The following EBF2 variants were observed in gnomAD, a reference collection of about 807,000 sequenced individuals.
EBF2 encodes transcription factor COE2.
EBF2 carries 21 observed loss-of-function variants against 72.8 expected under a neutral mutation model. The observed-to-expected ratio is 0.29, with a 90% CI of 0.20 to 0.42. The LOEUF (loss-of-function observed/expected upper bound fraction) is 0.42. Ranked by LOEUF, EBF2 falls within the 10% of genes least tolerant of loss-of-function variation. The pLI, the probability that EBF2 is intolerant of heterozygous loss-of-function variation, is 1.00. For synonymous variants in EBF2, 299 were observed against 274.2 expected (o/e 1.09, Z -0.89); for missense variants, 637 against 731.2 (o/e 0.87, Z 1.49).
rs748016670 is a variant in EBF2, at chr8:26,041,047, C to A, written c.289-45G>T. On this transcript the variant is annotated intron_variant, in intron 2 of 15. Coordinates refer to ENST00000520164, the MANE Select transcript of EBF2 (RefSeq NM_022659.4). ...TCGATTCCCTTGCCTTTCAGCCCCC[C>A]AAAATGAGGGAAAGAGGAGACAGTG... The A allele has an allele frequency of 1.7e-5, 27 of 1,607,638 alleles. 1 individual carries two copies. The South Asian group carries it at 2.4e-4, about 15-fold the overall frequency.
At chr8:25,925,910 ATTTGGG>A (rs1284293728) in intron 6 of EBF2, among the ~76,000 whole-genome samples, 2 of 152,006 alleles carry the variant, frequency 1.3e-5, no homozygotes, top group African/African-American at 4.8e-5. Context: ...CTGTCCCTAT[ATTTGGG>A]TTTGGAAATT....
At chr8:25,993,530 T>C (rs1804577138) in intron 6 of EBF2, among the ~76,000 whole-genome samples, 1 of 152,210 alleles carries the variant, frequency 6.6e-6, no homozygotes, top group Admixed American at 6.5e-5. Context: ...CATGCCCATT[T>C]CCTTTTTATG....
chr8:25,916,483 C>T (rs1408104072), intron 6 of EBF2, among the ~76,000 whole-genome samples: 2 of 152,040 alleles, frequency 1.3e-5, no homozygotes, highest in African/African-American at 4.8e-5. Flanking sequence ...CTTTCTCCCC[C>T]ACCACATTTT....
At chr8:25,861,498 G>A (rs1374082975) in intron 11 of EBF2, 124 bp from the exon 12 acceptor site, 2 of 1,010,862 alleles carry the variant, frequency 2.0e-6, no homozygotes, top group Admixed American at 2.1e-5. Context: ...TTAGCCAAGA[G>A]GTCCTATATT....
chr8:26,005,728 G>A (rs1014736192), intron 6 of EBF2, among the ~76,000 whole-genome samples: 3 of 148,344 alleles, frequency 2.0e-5, no homozygotes, highest in Admixed American at 6.9e-5. Flanking sequence ...CTGTTTGGGA[G>A]GCTGAGGTAG....
Position 26,044,775 on chromosome 8 carries a change from A to G in EBF2, c.85T>C (p.Trp29Arg), listed in dbSNP as rs1022334300. Reference protein sequence around the residue: ...LGAEMDSVRSWVRNVGVVDAN... With the variant: ...LGAEMDSVRSRVRNVGVVDAN... ...TCCACCACTCCGACATTCCGGACCC[A>G]GGACCTGACCGAATCCATCTCCGCG... The change falls in exon 1 of 16, where the codon TGG becomes CGG. Residue 29 changes from tryptophan (W) to arginine (R), a missense_variant. Trp to Arg is a moderately radical substitution (Grantham distance 101). This residue lies in a region of EBF2 where 174 missense variants were observed against 161.9 expected (regional missense o/e 1.07). Transcript: ENST00000520164. This position sits in a 1 kb window ranked among gnomAD's most constrained non-coding sequence, Gnocchi z 4.1. 5 of 1,614,028 alleles carry G rather than the reference A, an allele frequency of 3.1e-6. No individual in the cohort carries two copies. The highest frequency in any genetic ancestry group is 4.2e-6 in the Non-Finnish European group (5 of 1,180,038).
At chr8:25,853,433 C>G (rs1322798391) in intron 14 of EBF2, among the ~76,000 whole-genome samples, 1 of 152,008 alleles carries the variant, frequency 6.6e-6, no homozygotes, top group East Asian at 1.9e-4. Flanking sequence ...TAGAAACACT[C>G]AAACTGATTC....
intron 6 of EBF2, 172 bp downstream of exon 6, chr8:26,032,913 T>A: frequency 3.3e-6 from 2 of 608,170 alleles, no homozygotes; most frequent in Non-Finnish European, 5.8e-6. Context: ...AAAGGAAGAT[T>A]CTGGCTTCTT....
At chr8:25,850,334 A>C (rs1801935397) in intron 15 of EBF2, among the ~76,000 whole-genome samples, 1 of 152,102 alleles carries the variant, frequency 6.6e-6, no homozygotes, top group Non-Finnish European at 1.5e-5. Context: ...GCTGGTCTCA[A>C]ACTCCTGACC....
At chr8:25,885,613 T>C (rs1250337231) in intron 10 of EBF2, among the ~76,000 whole-genome samples, 2 of 152,128 alleles carry the variant, frequency 1.3e-5, no homozygotes, top group Admixed American at 6.5e-5. Flanking sequence ...TGGGAGATAG[T>C]TGAATCATGA....
At chr8:25,919,314 T>G (rs1479964105) in intron 6 of EBF2, among the ~76,000 whole-genome samples, 1 of 152,112 alleles carries the variant, frequency 6.6e-6, no homozygotes, top group Non-Finnish European at 1.5e-5. Flanking sequence ...GTCATGCAAG[T>G]TGAGGAAGAC....
Position 26,044,121 on chromosome 8 carries a change from G to A in EBF2, c.131+608C>T, listed in dbSNP as rs549139885. ...TCCAGTTCCCTAGCTCCGTTCGTCT[G>A]GCTCACTGTTTTATCTTTGAGCCGG... On this transcript the variant is annotated intron_variant, in intron 1 of 15. Coordinates refer to ENST00000520164, the MANE Select transcript of EBF2 (RefSeq NM_022659.4). The surrounding 1 kb of genome is among the most constrained non-coding windows in gnomAD (Gnocchi z 4.1). 3.0e-4 allele frequency among the ~76,000 whole-genome samples: 46 copies of A among 152,238 alleles called. 2 individuals carry two copies. In the South Asian group the frequency reaches 8.9e-3, roughly 29 times the overall value.
At chr8:25,935,727 C>A (rs1051770836) in intron 6 of EBF2, among the ~76,000 whole-genome samples, 6 of 152,210 alleles carry the variant, frequency 3.9e-5, no homozygotes, top group African/African-American at 1.4e-4. Context: ...CTGAAACTCT[C>A]CAGCCCTGCC....
intron 5 of EBF2, among the ~76,000 whole-genome samples, chr8:26,034,142 C>T (rs1048439437): frequency 6.6e-6 from 1 of 152,204 alleles, no homozygotes; most frequent in Non-Finnish European, 1.5e-5. Context: ...TACATAACAT[C>T]TTTCTCCAGA....
chr8:26,005,579 G>GAGAGAGAGAGAGAGA (rs71216409), intron 6 of EBF2, among the ~76,000 whole-genome samples: 9 of 63,784 alleles, frequency 1.4e-4, no homozygotes, highest in African/African-American at 2.6e-4. Context: ...GAGAGAGAGA[G>GAGAGAGAGAGAGAGA]GTATTTTGGG....
intron 6 of EBF2, among the ~76,000 whole-genome samples, chr8:25,935,797 T>C (rs904712601): frequency 8.5e-5 from 13 of 152,218 alleles, no homozygotes; most frequent in African/African-American, 3.1e-4. Context: ...GTCCTTCTTT[T>C]TAATTAAAAA....
chr8:25,921,063 T>C (rs994630361), intron 6 of EBF2, among the ~76,000 whole-genome samples: 3 of 121,876 alleles, frequency 2.5e-5, no homozygotes, highest in East Asian at 6.0e-4. Flanking sequence ...ACAGTACATA[T>C]AACCTTTGTG....
intron 6 of EBF2, among the ~76,000 whole-genome samples, chr8:25,975,659 C>A (rs373593983): frequency 1.3e-4 from 20 of 152,238 alleles, no homozygotes; most frequent in African/African-American, 4.8e-4. Flanking sequence ...AAGAGTCTTT[C>A]ATCTTTTGCT....
At chr8:25,968,482 A>G (rs1804145733) in intron 6 of EBF2, among the ~76,000 whole-genome samples, 1 of 152,200 alleles carries the variant, frequency 6.6e-6, no homozygotes, top group East Asian at 1.9e-4. Flanking sequence ...AGAGCAGTCA[A>G]ATTCATAGAC....
Sources: gnomAD v4.1 joint callset for allele counts (sites outside exome capture counted in the v4.1 genomes callset) on GRCh38, gnomAD v4.1.1 for gene constraint, gnomAD v4.1.1 regional missense constraint, Gnocchi (gnomAD v3.1) non-coding constraint, MANE v1.5 for transcripts, NCBI Gene and HGNC (gene_info 2026-07-23, HGNC 2026-07-21) for gene names.